ADAM12: variants seen among roughly 807,000 people sequenced by gnomAD.
ADAM12 encodes the protein ADAM metallopeptidase domain 12.
ADAM12 carries 70 observed loss-of-function variants against 106.4 expected under a neutral mutation model. The observed-to-expected ratio is 0.66, with a 90% CI of 0.54 to 0.80. The LOEUF (loss-of-function observed/expected upper bound fraction) is 0.80. Among genes scored for constraint, ADAM12 ranks in the 30% least tolerant of loss-of-function variants. ADAM12 has a pLI of 0.00. For synonymous variants in ADAM12, 420 were observed against 433.5 expected, an observed-to-expected ratio of 0.97 and a Z score of 0.39; for missense variants, 1,010 against 1,171.9, an observed-to-expected ratio of 0.86 and a Z score of 2.02.
chr10:126,233,786 T>C (rs376305192), intron 3 of ADAM12, among the ~76,000 whole-genome samples: 1 of 152,202 alleles, frequency 6.6e-6, no homozygotes, highest in East Asian at 1.9e-4. Flanking sequence ...GAATTGGAAA[T>C]GCGCTTCTCT....
At chr10:126,324,485 A>T (rs1399715398) in intron 2 of ADAM12, among the ~76,000 whole-genome samples, 1 of 152,158 alleles carries the variant, frequency 6.6e-6, no homozygotes, top group Non-Finnish European at 1.5e-5. Flanking sequence ...CCTGGCTTTG[A>T]ATTCAGGTGT....
chr10:126,026,936 G>A (rs1384058702), intron 21 of ADAM12, among the ~76,000 whole-genome samples: 1 of 152,152 alleles, frequency 6.6e-6, no homozygotes, highest in Non-Finnish European at 1.5e-5. Flanking sequence ...GGAACTGAAG[G>A]AGATAGACAT....
chr10:126,350,726 T>C (rs376523358), intron 1 of ADAM12, among the ~76,000 whole-genome samples: 2 of 152,358 alleles, frequency 1.3e-5, no homozygotes, highest in East Asian at 3.9e-4. Context: ...ACAGGAATGC[T>C]GCAGGAAGTT....
chr10:126,286,853 C>G (rs1413182711), intron 2 of ADAM12, among the ~76,000 whole-genome samples: 1 of 152,130 alleles, frequency 6.6e-6, no homozygotes, highest in Admixed American at 6.5e-5. Flanking sequence ...TGTTAAAATG[C>G]TATGTACAGG....
chr10:126,078,340 GC>G (rs545373278), intron 11 of ADAM12, among the ~76,000 whole-genome samples: 2 of 152,116 alleles, frequency 1.3e-5, no homozygotes, highest in Non-Finnish European at 2.9e-5. Context: ...CTGGTCCCAT[GC>G]CCCCCTTGCC....
intron 2 of ADAM12, among the ~76,000 whole-genome samples, chr10:126,291,846 C>T (rs959986859): frequency 6.6e-6 from 1 of 152,174 alleles, no homozygotes; most frequent in African/African-American, 2.4e-5. Context: ...CCACGTTAAC[C>T]AGACTATCAC....
At chr10:126,156,164 G>C (rs1956811005) in intron 3 of ADAM12, among the ~76,000 whole-genome samples, 1 of 152,184 alleles carries the variant, frequency 6.6e-6, no homozygotes, top group Admixed American at 6.5e-5. Context: ...CCCCCATCTT[G>C]ATGACACCAC....
chr10:126,172,650 T>C (rs1957139788), intron 3 of ADAM12, among the ~76,000 whole-genome samples: 1 of 152,192 alleles, frequency 6.6e-6, no homozygotes, highest in African/African-American at 2.4e-5. Flanking sequence ...GCTTTTACAC[T>C]GTTGGTGGGA....
rs964438636 is a variant in ADAM12 at position 126,053,996 on chromosome 10, C to T, written c.1610-4327G>A. 2.6e-5 allele frequency among the ~76,000 whole-genome samples: 4 copies of T among 152,164 alleles called. No homozygotes were observed. The highest frequency in any genetic ancestry group is 7.2e-5 in the African/African-American group (3 of 41,440). On this transcript the variant is annotated intron_variant, in intron 14 of 22. Transcript: ENST00000448723. This position sits in a 1 kb window ranked among gnomAD's most constrained non-coding sequence, Gnocchi z 4.6. ...TGCTGGGATTACAGGCGTGAGCCAC[C>T]GTACCTGGCCTGGTCTCAGTCTTCT...
intron 3 of ADAM12, among the ~76,000 whole-genome samples, chr10:126,181,528 A>G (rs910490314): frequency 6.6e-6 from 1 of 152,194 alleles, no homozygotes; most frequent in African/African-American, 2.4e-5. Flanking sequence ...CTGTGTACAT[A>G]TCTGTCCACC....
chr10:126,361,873 A>G (rs1855757132), intron 1 of ADAM12, among the ~76,000 whole-genome samples: 1 of 152,148 alleles, frequency 6.6e-6, no homozygotes, highest in African/African-American at 2.4e-5. Flanking sequence ...GTTGGTCTAT[A>G]GGCAATTTTT....
intron 3 of ADAM12, among the ~76,000 whole-genome samples, chr10:126,274,353 A>T (rs1038842108): frequency 2.6e-5 from 4 of 151,548 alleles, no homozygotes; most frequent in African/African-American, 9.7e-5. Context: ...CACCACATAT[A>T]CCCCCACACG....
At chr10:126,048,319 C>G (rs540662424) in intron 16 of ADAM12, among the ~76,000 whole-genome samples, 7 of 152,198 alleles carry the variant, frequency 4.6e-5, no homozygotes, top group South Asian at 4.1e-4. Flanking sequence ...TGATTTGAGC[C>G]TAAAAATATC....
At chr10:126,188,286 A>G (rs1046499860) in intron 3 of ADAM12, among the ~76,000 whole-genome samples, 14 of 152,130 alleles carry the variant, frequency 9.2e-5, no homozygotes, top group Middle Eastern at 3.4e-3. Context: ...GTTTCTGTGG[A>G]CCTTTGCTAG....
chr10:126,146,634 C>T (rs1956633493), intron 4 of ADAM12, among the ~76,000 whole-genome samples: 1 of 152,182 alleles, frequency 6.6e-6, no homozygotes, highest in Admixed American at 6.5e-5. Context: ...TTCTTCAGCA[C>T]ACCGGTGGCA....
rs147084686 is a variant in ADAM12 at position 126,363,554 on chromosome 10, C to T, written c.88+24504G>A. Among the ~76,000 whole-genome samples the T allele has an allele frequency of 3.3e-3, 500 of 152,256 alleles. 2 individuals carry two copies. Among genetic ancestry groups the T allele is most frequent in the Non-Finnish European group, 5.7e-3 (385 of 68,012 alleles). ...TAGAACCTCCTTCCCCAGTTTGCTT[C>T]CCTGACATGTCAATGGAATGTTAGC... On this transcript the variant is annotated intron_variant, in intron 1 of 22. Transcript: ENST00000448723.
intron 1 of ADAM12, among the ~76,000 whole-genome samples, chr10:126,375,416 T>C (rs953920613): frequency 5.3e-5 from 8 of 152,038 alleles, no homozygotes; most frequent in African/African-American, 1.9e-4. Flanking sequence ...AGAACTAAAA[T>C]TCTAGACAAT....
At chr10:126,157,611 G>A (rs974710433) in intron 3 of ADAM12, among the ~76,000 whole-genome samples, 2 of 152,230 alleles carry the variant, frequency 1.3e-5, no homozygotes, top group Non-Finnish European at 2.9e-5. Flanking sequence ...GAGAGAGTGT[G>A]CGGAAAACAT....
intron 5 of ADAM12, among the ~76,000 whole-genome samples, chr10:126,129,685 T>A (rs1478746573): frequency 6.6e-6 from 1 of 152,316 alleles, no homozygotes; most frequent in Admixed American, 6.5e-5. Flanking sequence ...ATGGGAGACA[T>A]ACGATACGGG....
Sources: allele counts gnomAD v4.1 joint callset (sites outside exome capture counted in the v4.1 genomes callset), GRCh38; gene constraint gnomAD v4.1.1; non-coding constraint Gnocchi (gnomAD v3.1); transcripts MANE v1.5; gene names NCBI Gene and HGNC (gene_info 2026-07-23, HGNC 2026-07-21).